Variants in NEGR1 observed in about 807,000 individuals in gnomAD.
The protein encoded by NEGR1 is IgLON family member 4.
In NEGR1, 10 loss-of-function variants were observed where a neutral mutation model predicts 40.9. That is an observed-to-expected ratio of 0.24 (90% CI 0.15 to 0.42). The LOEUF (loss-of-function observed/expected upper bound fraction) is 0.42, where lower values mean the gene tolerates loss of function less well. Among genes scored for constraint, NEGR1 ranks in the 10% least tolerant of loss-of-function variants. NEGR1 has a pLI of 1.00. For missense variants in NEGR1, 352 were observed against 438.9 expected, an observed-to-expected ratio of 0.80 and a Z score of 1.77; for synonymous variants, 185 against 166.8, an observed-to-expected ratio of 1.11 and a Z score of -0.84.
At chr1:72,088,682 A>G (rs1648323114) in intron 1 of NEGR1, among the ~76,000 whole-genome samples, 1 of 152,052 alleles carries the variant, frequency 6.6e-6, no homozygotes, top group African/African-American at 2.4e-5. Flanking sequence ...CGTACCTTCG[A>G]ATTTATATAC....
intron 4 of NEGR1, among the ~76,000 whole-genome samples, chr1:71,623,098 A>T (rs1272970944): frequency 6.6e-6 from 1 of 151,886 alleles, no homozygotes; most frequent in East Asian, 1.9e-4. Context: ...TTCCAAACAC[A>T]CTGTCTTATA....
intron 2 of NEGR1, among the ~76,000 whole-genome samples, chr1:71,824,687 C>A (rs968970095): frequency 2.3e-4 from 35 of 151,922 alleles, no homozygotes; most frequent in African/African-American, 8.2e-4. Flanking sequence ...TGTTCCTCTC[C>A]ACACATAGAA....
intron 1 of NEGR1, among the ~76,000 whole-genome samples, chr1:71,982,989 T>C (rs1290836159): frequency 3.0e-4 from 46 of 152,262 alleles, no homozygotes; most frequent in Admixed American, 2.0e-3. Context: ...GTAATCATTG[T>C]AGTTCTTATG....
intron 1 of NEGR1, among the ~76,000 whole-genome samples, chr1:72,282,045 T>A (rs1047599104): frequency 1.3e-5 from 2 of 151,928 alleles, no homozygotes; most frequent in Middle Eastern, 3.2e-3. Flanking sequence ...AAGTGGCACC[T>A]GCCCCTCCTT....
chr1:71,978,870 G>A (rs1280036951), intron 1 of NEGR1, among the ~76,000 whole-genome samples: 1 of 151,786 alleles, frequency 6.6e-6, no homozygotes, highest in Non-Finnish European at 1.5e-5. Flanking sequence ...ATAACCCAAA[G>A]GAATATAAGT....
intron 1 of NEGR1, among the ~76,000 whole-genome samples, chr1:72,001,451 C>G (rs1463790535): frequency 6.6e-6 from 1 of 151,718 alleles, no homozygotes; most frequent in African/African-American, 2.4e-5. Context: ...TTTTAATAAA[C>G]TCCCCAAATT....
chr1:71,898,980 GC>G (rs1661062876), intron 2 of NEGR1, among the ~76,000 whole-genome samples: 1 of 10,878 alleles, frequency 9.2e-5, no homozygotes. Context: ...TATATATATA[GC>G]ATATATATAT....
Position 71,664,207 on chromosome 1 carries a change from T to C in NEGR1, c.667+33801A>G, listed in dbSNP as rs568069569. Among the ~76,000 whole-genome samples the C allele has an allele frequency of 3.3e-5, 5 of 152,256 alleles. No individual in the cohort carries two copies. In the East Asian group the frequency reaches 9.7e-4, roughly 29 times the overall value. ...CACAAGCTCACTGTATGTAGAAAAT[T>C]CTCTTCTTAGAATACAATGCCTTTA... On this transcript the variant is annotated intron_variant, in intron 4 of 6. Transcript: ENST00000357731.
At chr1:71,558,032 G>A (rs553799727) in intron 6 of NEGR1, among the ~76,000 whole-genome samples, 1 of 151,614 alleles carries the variant, frequency 6.6e-6, no homozygotes, top group Admixed American at 6.6e-5. Flanking sequence ...ATTTGAGAGA[G>A]GAATACCACA....
chr1:71,926,710 T>C (rs888177907), intron 2 of NEGR1, among the ~76,000 whole-genome samples: 4 of 151,268 alleles, frequency 2.6e-5, no homozygotes, highest in African/African-American at 9.7e-5. Flanking sequence ...AAATTGAAAA[T>C]GTAAAAGAAA....
intron 6 of NEGR1, among the ~76,000 whole-genome samples, chr1:71,580,713 C>T (rs10082283): frequency 0.016 from 2,490 of 152,162 alleles, 68 homozygotes; most frequent in African/African-American, 0.057. Flanking sequence ...AGGAGCCAGG[C>T]ACTTTATGTC....
chr1:71,985,593 G>T (rs1162156032), intron 1 of NEGR1, among the ~76,000 whole-genome samples: 1 of 152,038 alleles, frequency 6.6e-6, no homozygotes, highest in East Asian at 1.9e-4. Flanking sequence ...GAAAGAGGAA[G>T]GATATATTTA....
chr1:71,914,511 A>G (rs1276743537), intron 2 of NEGR1, among the ~76,000 whole-genome samples: 2 of 152,166 alleles, frequency 1.3e-5, no homozygotes, highest in Non-Finnish European at 1.5e-5. Flanking sequence ...CCCACTTTTC[A>G]TATGATTTCG....
At chr1:71,687,314 T>C (rs1653072083) in intron 4 of NEGR1, among the ~76,000 whole-genome samples, 2 of 152,214 alleles carry the variant, frequency 1.3e-5, no homozygotes, top group African/African-American at 4.8e-5. Flanking sequence ...CTTATAAACA[T>C]GGAACACACC....
chr1:71,532,596 A>T (rs1647390032), intron 6 of NEGR1, among the ~76,000 whole-genome samples: 1 of 151,650 alleles, frequency 6.6e-6, no homozygotes, highest in Non-Finnish European at 1.5e-5. Context: ...TGCAGAAGCT[A>T]ATCACCTTGC....
intron 1 of NEGR1, among the ~76,000 whole-genome samples, chr1:72,224,397 G>T (rs949210945): frequency 2.6e-5 from 4 of 151,778 alleles, no homozygotes; most frequent in African/African-American, 9.7e-5. Flanking sequence ...TTAAAAATGG[G>T]GTTAGGAAAA....
At chr1:71,942,745 G>A (rs1409641062) in intron 1 of NEGR1, among the ~76,000 whole-genome samples, 3 of 144,932 alleles carry the variant, frequency 2.1e-5, no homozygotes, top group East Asian at 2.0e-4. Context: ...CTCGTGATCC[G>A]CCCGCCTCGG....
chr1:72,239,105 G>A (rs1296409180), intron 1 of NEGR1, among the ~76,000 whole-genome samples: 1 of 151,564 alleles, frequency 6.6e-6, no homozygotes, highest in Non-Finnish European at 1.5e-5. Context: ...AAGAATAATT[G>A]TCCCATTTTT....
chr1:71,450,042 G>A (rs1646614658), intron 6 of NEGR1, among the ~76,000 whole-genome samples: 1 of 149,118 alleles, frequency 6.7e-6, no homozygotes, highest in South Asian at 2.1e-4. Context: ...CCAGGCTAGA[G>A]TGCAGCGGTC....
Sources: gnomAD v4.1 joint callset for allele counts (sites outside exome capture counted in the v4.1 genomes callset) on GRCh38, gnomAD v4.1.1 for gene constraint, MANE v1.5 for transcripts, NCBI Gene and HGNC (gene_info 2026-07-23, HGNC 2026-07-21) for gene names.